FHIT: variants seen among roughly 807,000 people sequenced by gnomAD.
FHIT encodes the protein fragile histidine triad diadenosine triphosphatase.
Under a neutral mutation model 17.9 loss-of-function variants are expected in FHIT, and 19 were observed. That is an observed-to-expected ratio of 1.06 (90% CI 0.74 to 1.56). The LOEUF is 1.56. FHIT is among the 40% of genes most tolerant of loss of function. The probability of loss-of-function intolerance (pLI) is 0.00; values close to 1 mark genes in which losing one functional copy is unlikely to be tolerated. For synonymous variants in FHIT, 81 were observed against 69.7 expected (o/e 1.16, Z -0.81); for missense variants, 248 against 189.2 (o/e 1.31, Z -1.82).
intron 5 of FHIT, among the ~76,000 whole-genome samples, chr3:60,144,477 A>C (rs1007475606): frequency 3.9e-5 from 6 of 152,184 alleles, no homozygotes; most frequent in African/African-American, 1.4e-4. Flanking sequence ...ATAGTTACAA[A>C]GGCACCACCT....
At chr3:59,933,334 T>C (rs966895280) in intron 7 of FHIT, among the ~76,000 whole-genome samples, 2 of 152,180 alleles carry the variant, frequency 1.3e-5, no homozygotes, top group Non-Finnish European at 2.9e-5. Context: ...ACACCATTCA[T>C]CCACCCACCA....
chr3:61,188,136 T>C (rs2038582697), intron 2 of FHIT, among the ~76,000 whole-genome samples: 1 of 151,890 alleles, frequency 6.6e-6, no homozygotes, highest in Admixed American at 6.6e-5. Flanking sequence ...AATTAATGAA[T>C]CCAGGAGCTG....
At position 59,857,709 on chromosome 3, in the gene FHIT, T is replaced by TTTTTTTTTG. The variant is rs1553697982; in HGVS notation, c.348+64636_348+64637insCAAAAAAAA. ...CTATGCTGTGCAAAGTGCTGGGTTT[T>TTTTTTTTTG]TTTTTTTTTTTTTGTATCCTAAGGG... On this transcript the variant is annotated intron_variant, in intron 8 of 9. Coordinates refer to ENST00000492590, the MANE Select transcript of FHIT (RefSeq NM_002012.4). Among the ~76,000 whole-genome samples, 313 of 148,592 alleles carry TTTTTTTTTG rather than the reference T, an allele frequency of 2.1e-3. 7 individuals are homozygous for TTTTTTTTTG. The highest frequency in any genetic ancestry group is 7.6e-3 in the African/African-American group (303 of 39,878).
At chr3:60,103,878 C>T (rs1320384314) in intron 5 of FHIT, among the ~76,000 whole-genome samples, 1 of 152,330 alleles carries the variant, frequency 6.6e-6, no homozygotes, top group African/African-American at 2.4e-5. Context: ...TTACATGTCG[C>T]TTGTGCATAA....
intron 5 of FHIT, among the ~76,000 whole-genome samples, chr3:60,229,424 G>GA (rs796109235): frequency 0.063 from 4,440 of 71,018 alleles, 211 homozygotes; most frequent in African/African-American, 0.19. Flanking sequence ...TCATCAAAAA[G>GA]AAAAAAAAAA....
intron 4 of FHIT, among the ~76,000 whole-genome samples, chr3:60,797,512 G>GT (rs781787688): frequency 6.8e-6 from 1 of 147,098 alleles, no homozygotes; most frequent in Non-Finnish European, 1.5e-5. Flanking sequence ...GCTGAATACC[G>GT]TATCTATTTT....
intron 5 of FHIT, among the ~76,000 whole-genome samples, chr3:60,456,010 C>T (rs2032066619): frequency 6.6e-6 from 1 of 152,050 alleles, no homozygotes; most frequent in Non-Finnish European, 1.5e-5. Flanking sequence ...TTTAACTAGC[C>T]CATTAATCCA....
chr3:59,752,414 T>G, intron 8 of FHIT, 93 bp from the exon 9 acceptor site: 1 of 853,170 alleles, frequency 1.2e-6, no homozygotes, highest in African/African-American at 1.7e-5. Context: ...GAACAAAATT[T>G]GCAAATTAGA....
At chr3:59,750,056 G>A (rs1700806426) in intron 9 of FHIT, 1 of 224,786 alleles carries the variant, frequency 4.4e-6, no homozygotes, top group Non-Finnish European at 8.9e-6. Context: ...GCAATAGTTT[G>A]TGTAACAAGT....
chr3:59,823,781 A>G (rs1272006250), intron 8 of FHIT, among the ~76,000 whole-genome samples: 1 of 152,172 alleles, frequency 6.6e-6, no homozygotes, highest in Non-Finnish European at 1.5e-5. Context: ...CCTCTGAGAA[A>G]CGGAACAAGA....
intron 5 of FHIT, among the ~76,000 whole-genome samples, chr3:60,216,832 A>T (rs914377749): frequency 3.3e-5 from 5 of 152,112 alleles, no homozygotes; most frequent in Non-Finnish European, 5.9e-5. Context: ...TCCCCTGATA[A>T]AACTCTTGAC....
At chr3:61,175,760 C>T (rs1351243307) in intron 2 of FHIT, among the ~76,000 whole-genome samples, 1 of 152,144 alleles carries the variant, frequency 6.6e-6, no homozygotes, top group East Asian at 1.9e-4. Flanking sequence ...AAAGCACCAT[C>T]TTGGAATTAG....
At chr3:60,631,044 T>C (rs2039428393) in intron 4 of FHIT, among the ~76,000 whole-genome samples, 1 of 151,770 alleles carries the variant, frequency 6.6e-6, no homozygotes. Context: ...CAGCCTGTGC[T>C]AAGTTTCAAA....
chr3:61,043,417 G>A (rs188130602), intron 2 of FHIT, among the ~76,000 whole-genome samples: 1 of 152,302 alleles, frequency 6.6e-6, no homozygotes, highest in African/African-American at 2.4e-5. Flanking sequence ...GCAGCAGTGA[G>A]GCTGGGGGAG....
At chr3:60,602,073 AATC>A (rs1309194875) in intron 4 of FHIT, among the ~76,000 whole-genome samples, 46 of 152,318 alleles carry the variant, frequency 3.0e-4, no homozygotes, top group African/African-American at 1.1e-3. Flanking sequence ...AAGCCAAGAA[AATC>A]ATCATCAGTG....
chr3:60,313,523 A>G (rs1277968735), intron 5 of FHIT, among the ~76,000 whole-genome samples: 1 of 152,176 alleles, frequency 6.6e-6, no homozygotes, highest in East Asian at 1.9e-4. Flanking sequence ...ATTTAGTTCA[A>G]ACCCTGTCAC....
At chr3:60,059,207 C>T (rs1231243483) in intron 5 of FHIT, among the ~76,000 whole-genome samples, 1 of 152,184 alleles carries the variant, frequency 6.6e-6, no homozygotes, top group Non-Finnish European at 1.5e-5. Flanking sequence ...ACACCTGTAA[C>T]TGGTAATCAG....
At chr3:60,471,039 T>C (rs1037705336) in intron 5 of FHIT, among the ~76,000 whole-genome samples, 2 of 152,222 alleles carry the variant, frequency 1.3e-5, no homozygotes, top group African/African-American at 4.8e-5. Context: ...AACAGAGGCC[T>C]CAGGACTCTG....
intron 8 of FHIT, among the ~76,000 whole-genome samples, chr3:59,892,020 G>A (rs930582803): frequency 6.6e-6 from 1 of 152,170 alleles, no homozygotes; most frequent in African/African-American, 2.4e-5. Flanking sequence ...GATGCCATTC[G>A]ACAATGATTT....
Sources: allele counts gnomAD v4.1 joint callset (sites outside exome capture counted in the v4.1 genomes callset), GRCh38; gene constraint gnomAD v4.1.1; transcripts MANE v1.5; gene names NCBI Gene and HGNC (gene_info 2026-07-23, HGNC 2026-07-21).